Variants in FBXO9 observed in about 807,000 individuals in gnomAD.
FBXO9 encodes the protein F-box only protein 9.
Under a neutral mutation model 63.7 loss-of-function variants are expected in FBXO9, and 43 were observed. That is an observed-to-expected ratio of 0.67 (90% CI 0.53 to 0.87). The LOEUF (loss-of-function observed/expected upper bound fraction) is 0.87. Ranked by LOEUF, FBXO9 falls within the 40% of genes least tolerant of loss-of-function variation. FBXO9 has a pLI of 0.00. For synonymous variants in FBXO9, 156 were observed against 171.7 expected, an observed-to-expected ratio of 0.91 and a Z score of 0.72; for missense variants, 442 against 533.2, an observed-to-expected ratio of 0.83 and a Z score of 1.68.
chr6:53,093,633 C>T lies in FBXO9; in HGVS notation c.959+72C>T, dbSNP rs1763113648. 2.6e-6 allele frequency: 3 copies of T among 1,142,820 alleles called. No individual in the cohort carries two copies. In the African/African-American group the frequency reaches 4.6e-5, roughly 18 times the overall value. 70.8% of individuals were successfully genotyped at this position (1,142,820 alleles called of 1,614,324 possible). A position where few individuals can be genotyped will look rare whatever the true frequency, so the allele number is the denominator to read the frequency against. On this transcript the variant is annotated intron_variant, in intron 10 of 12. Transcript: ENST00000323557. ...ATGGTTCCTTGCAGGTTAAAGTAAT[C>T]CAGTGCTTCTTTCACTTAATACTGG...
chr6:53,074,681 T>G (rs1457860888), intron 3 of FBXO9, among the ~76,000 whole-genome samples: 1 of 152,258 alleles, frequency 6.6e-6, no homozygotes, highest in Non-Finnish European at 1.5e-5. Flanking sequence ...ATTTTGATAT[T>G]CCAAGAATGT....
chr6:53,100,740 G>C lies in FBXO9; in HGVS notation c.*2910G>C, dbSNP rs993762058. 11 of 152,104 alleles carry C rather than the reference G, an allele frequency of 7.2e-5. No homozygotes were observed. Among genetic ancestry groups the C allele is most frequent in the African/African-American group, 2.2e-4 (9 of 41,424 alleles). The allele number at this position is 152,104 out of a possible 1,614,324, so 9.4% of individuals were successfully genotyped here. On this transcript the variant is annotated 3_prime_UTR_variant, in exon 13 of 13. Transcript: ENST00000323557. ...TTGTAAGCTTTCTCTCCCCACATAA[G>C]AATGCCCTGTAAGCATTTTGTTAAA...
intron 6 of FBXO9, 130 bp from the exon 7 acceptor site, chr6:53,082,374 A>G: frequency 2.0e-6 from 1 of 494,452 alleles, no homozygotes; most frequent in East Asian, 3.1e-5. Context: ...AAATACATTC[A>G]TGCTTTAGCT....
At chr6:53,068,867 C>T (rs1242280301) in intron 1 of FBXO9, among the ~76,000 whole-genome samples, 1 of 152,122 alleles carries the variant, frequency 6.6e-6, no homozygotes, top group Non-Finnish European at 1.5e-5. Flanking sequence ...CCAGCCTTGT[C>T]TCAAACTCCT....
intron 7 of FBXO9, among the ~76,000 whole-genome samples, chr6:53,084,258 A>G (rs546380954): frequency 5.9e-5 from 9 of 152,310 alleles, no homozygotes; most frequent in Non-Finnish European, 1.2e-4. Context: ...TAATCATGCT[A>G]CCTGTTTTCT....
intron 1 of FBXO9, among the ~76,000 whole-genome samples, chr6:53,067,604 C>T (rs1482131295): frequency 1.3e-5 from 2 of 152,048 alleles, no homozygotes; most frequent in Non-Finnish European, 2.9e-5. Flanking sequence ...GACTGCTAGG[C>T]AAGAGTTAGA....
At chr6:53,089,160 T>C (rs1331804138) in intron 7 of FBXO9, among the ~76,000 whole-genome samples, 1 of 151,594 alleles carries the variant, frequency 6.6e-6, no homozygotes, top group Admixed American at 6.6e-5. Flanking sequence ...CTGCAAGCTC[T>C]GCCTCCCGGG....
intron 5 of FBXO9, 68 bp downstream of exon 5, chr6:53,078,966 A>G: frequency 8.9e-7 from 1 of 1,123,394 alleles, no homozygotes; most frequent in Admixed American, 1.8e-5. Context: ...TGCCCTGTTG[A>G]CTCTTAAGAT....
chr6:53,094,802 CAGAG>C (rs1562075694), intron 11 of FBXO9: 1 of 435,100 alleles, frequency 2.3e-6, no homozygotes, highest in East Asian at 7.7e-5. Context: ...GCCTGAGAGA[CAGAG>C]AGAGTTGCTT....
At chr6:53,080,108 A>G (rs1769257426) in intron 5 of FBXO9, among the ~76,000 whole-genome samples, 1 of 151,698 alleles carries the variant, frequency 6.6e-6, no homozygotes, top group African/African-American at 2.4e-5. Flanking sequence ...TTTCTTTCCC[A>G]TTTTTTATAC....
intron 12 of FBXO9, among the ~76,000 whole-genome samples, chr6:53,097,243 A>G (rs2076899812): frequency 6.6e-6 from 1 of 152,204 alleles, no homozygotes; most frequent in Admixed American, 6.5e-5. Context: ...CATTTTAAGA[A>G]GAACCTAATG....
intron 12 of FBXO9, among the ~76,000 whole-genome samples, chr6:53,096,050 A>AG (rs1309748980): frequency 6.6e-6 from 1 of 152,122 alleles, no homozygotes; most frequent in Non-Finnish European, 1.5e-5. Flanking sequence ...CTTTATTTCC[A>AG]TTTGTTTTAT....
chr6:53,082,467 T>C (rs759634095), intron 6 of FBXO9, 37 bp from the exon 7 acceptor site: 3 of 1,370,796 alleles, frequency 2.2e-6, no homozygotes, highest in Non-Finnish European at 2.1e-6. Flanking sequence ...TAGAATGACA[T>C]AGAGGAGAGT....
At chr6:53,065,919 C>A in intron 1 of FBXO9, 127 bp downstream of exon 1, 1 of 1,184,272 alleles carries the variant, frequency 8.4e-7, no homozygotes, top group Non-Finnish European at 1.1e-6. Context: ...GGCTGCCACC[C>A]GTTAGAGGGC....
chr6:53,093,078 T>G (rs1763092426), intron 9 of FBXO9: 1 of 415,240 alleles, frequency 2.4e-6, no homozygotes, highest in African/African-American at 2.1e-5. Flanking sequence ...TAGCTTGTGC[T>G]TTTATTCCAC....
chr6:53,087,917 G>A (rs1562071652), intron 7 of FBXO9, among the ~76,000 whole-genome samples: 1 of 152,128 alleles, frequency 6.6e-6, no homozygotes, highest in Non-Finnish European at 1.5e-5. Context: ...TAGCCAACTT[G>A]ACCACACACA....
In FBXO9 at chr6:53,097,749, T is replaced by C; in HGVS notation, c.1233T>C (p.Ala411=). Residue 411 remains alanine (A), a synonymous_variant, in exon 13 of 13, where the codon GCT becomes GCC. Transcript: ENST00000323557. ...YKSTGETAVS[A]FEIDKMYTPL... ...CAACTGGTGAGACTGCAGTCAGTGC[T>C]TTTGAGATTGACAAGATGTACACCC... 1 of 1,605,356 alleles carries C rather than the reference T, an allele frequency of 6.2e-7. No homozygotes were observed. Among genetic ancestry groups the C allele is most frequent in the East Asian group, 2.2e-5 (1 of 44,458 alleles).
intron 12 of FBXO9, among the ~76,000 whole-genome samples, chr6:53,096,651 T>C (rs1763220664): frequency 6.6e-6 from 1 of 152,142 alleles, no homozygotes; most frequent in South Asian, 2.1e-4. Context: ...ATGCCTATAA[T>C]CCCAGGACTT....
chr6:53,099,399 A>T lies in FBXO9; in HGVS notation c.*1569A>T, dbSNP rs937670268. ...CACAGTGAGACCCTATCTCAAAAAA[A>T]TAATGATGATAGTACACGTTATGTT... On this transcript the variant is annotated 3_prime_UTR_variant, in exon 13 of 13. Coordinates refer to ENST00000323557, the MANE Select transcript of FBXO9 (RefSeq NM_033480.3). 6.6e-6 allele frequency: 1 copy of T among 151,954 alleles called. No homozygotes were observed. The highest frequency in any genetic ancestry group is 1.5e-5 in the Non-Finnish European group (1 of 68,052). 9.4% of individuals were successfully genotyped at this position (151,954 alleles called of 1,614,324 possible). A position where few individuals can be genotyped will look rare whatever the true frequency, so the allele number is the denominator to read the frequency against.
Sources: gnomAD v4.1 joint callset for allele counts (sites outside exome capture counted in the v4.1 genomes callset) on GRCh38, gnomAD v4.1.1 for gene constraint, MANE v1.5 for transcripts, NCBI Gene and HGNC (gene_info 2026-07-23, HGNC 2026-07-21) for gene names.